Variants in WASHC2C observed in about 807,000 individuals in gnomAD.
The protein encoded by WASHC2C is WASH complex subunit 2C.
A neutral mutation model predicts 142.2 loss-of-function variants in WASHC2C; 73 were observed. That is an observed-to-expected ratio of 0.51 (90% confidence interval 0.43 to 0.62). WASHC2C has a LOEUF of 0.62. Among genes scored for constraint, WASHC2C ranks in the 20% least tolerant of loss-of-function variants. The probability of loss-of-function intolerance (pLI) is 0.00; values close to 1 mark genes in which losing one functional copy is unlikely to be tolerated. For missense variants in WASHC2C, 969 were observed against 1,531.7 expected, an observed-to-expected ratio of 0.63 and a Z score of 6.13; for synonymous variants, 337 against 565.5, an observed-to-expected ratio of 0.60 and a Z score of 5.73.
At chr10:45,735,738 A>AG (rs2051144689) in intron 3 of WASHC2C, among the ~76,000 whole-genome samples, 1 of 152,228 alleles carries the variant, frequency 6.6e-6, no homozygotes, top group African/African-American at 2.4e-5. Flanking sequence ...TTTGGGTCAG[A>AG]GGATATGATC....
intron 17 of WASHC2C, among the ~76,000 whole-genome samples, chr10:45,762,309 T>A (rs1253502585): frequency 3.3e-5 from 5 of 152,086 alleles, no homozygotes; most frequent in Non-Finnish European, 5.9e-5. Context: ...GCCTTCCAGG[T>A]TCAAGCAATT....
intron 11 of WASHC2C, among the ~76,000 whole-genome samples, chr10:45,751,795 G>A (rs1165618033): frequency 1.3e-5 from 2 of 152,134 alleles, no homozygotes; most frequent in Admixed American, 6.5e-5. Flanking sequence ...GGCCAACATA[G>A]TGAAACCCCA....
rs1333007505 is a variant in WASHC2C, at chr10:45,784,289, T to TATAC, written c.2479-275_2479-274insTACA. ...ATATATATATATATATATATATATA[T>TATAC]ACACATATATATATATATATATACA... On this transcript the variant is annotated intron_variant, in intron 23 of 30. Transcript: ENST00000623400. Among the ~76,000 whole-genome samples the TATAC allele has an allele frequency of 3.3e-3, 59 of 17,648 alleles. 1 individual carries two copies. Among genetic ancestry groups the TATAC allele is most frequent in the African/African-American group, 6.6e-3 (52 of 7,894 alleles). The allele number at this position is 17,648 out of a possible 152,430, so 11.6% of individuals were successfully genotyped here.
In WASHC2C at chr10:45,762,695, G is replaced by T. The variant is rs539744726; in HGVS notation, c.1636-693G>T. On this transcript the variant is annotated intron_variant, in intron 17 of 30. Coordinates refer to ENST00000623400, the MANE Select transcript of WASHC2C (RefSeq NM_001330074.2). The stretch of plus-strand genomic sequence containing the variant: ...CCGAGGCGGGCGGATCACAAGGTCA[G>T]GAGATCGAGACCATCCTGGCTAACA... 3.5e-3 allele frequency among the ~76,000 whole-genome samples: 530 copies of T among 152,272 alleles called. 3 individuals are homozygous for T. Among genetic ancestry groups the T allele is most frequent in the African/African-American group, 0.012 (507 of 41,534 alleles).
Position 45,752,689 on chromosome 10 carries a change from G to A in WASHC2C, c.1105G>A (p.Asp369Asn). Residue 369 changes from aspartate (D) to asparagine (N), a missense_variant, in exon 12 of 31, where the codon GAT becomes AAT. Physicochemically the swap from Asp to Asn is conservative, Grantham distance 23 (BLOSUM62 1). Coordinates refer to ENST00000623400, the MANE Select transcript of WASHC2C (RefSeq NM_001330074.2). ...GTTCAGTGGCGGCAAGGGGCTATTT[G>A]ATGATGAGGACGAGGAGGTGAGTCC... is the stretch of plus-strand genomic sequence containing the variant. ...GLFSGGKGLF[D>N]DEDEESDLFT... is the part of the protein sequence containing the mutation. The A allele has an allele frequency of 6.2e-7, 1 of 1,610,124 alleles. No homozygotes were observed. Among genetic ancestry groups the A allele is most frequent in the Non-Finnish European group, 8.5e-7 (1 of 1,179,294 alleles).
chr10:45,757,382 T>C (rs1309785830), intron 16 of WASHC2C, among the ~76,000 whole-genome samples: 1 of 148,596 alleles, frequency 6.7e-6, no homozygotes, highest in Non-Finnish European at 1.5e-5. Flanking sequence ...TCCTGAACTA[T>C]TTGCATGTAA....
chr10:45,755,003 C>G lies in WASHC2C; in HGVS notation c.1308C>G (p.Pro436=), dbSNP rs1554876561. The change falls in exon 15 of 31, where the codon CCC becomes CCG. Residue 436 remains proline, a synonymous_variant. Transcript: ENST00000623400. ...AGGAGCCACAGAAGCCTGAGCAGCC[C>G]ACTCCAAGGAAAAGCCCCTATGGTC... is the stretch of plus-strand genomic sequence containing the variant. ...SLKEPQKPEQ[P]TPRKSPYGPP... 7.4e-6 allele frequency: 12 copies of G among 1,611,946 alleles called. No homozygotes were observed. The South Asian group carries it at 1.3e-4, about 18-fold the overall frequency.
At chr10:45,785,713 T>A (rs1170422451) in intron 26 of WASHC2C, 82 bp downstream of exon 26, 2 of 1,609,116 alleles carry the variant, frequency 1.2e-6, no homozygotes, top group East Asian at 4.5e-5. Context: ...CCACAGTTAT[T>A]TAGACTTGTC....
rs1252963303 is a variant in WASHC2C at position 45,792,946 on chromosome 10, T to G, written c.*546T>G. The G allele has an allele frequency of 5.7e-3, 2,667 of 469,070 alleles. 63 individuals carry two copies. Among genetic ancestry groups the G allele is most frequent in the East Asian group, 0.048 (697 of 14,402 alleles). 29.1% of individuals were successfully genotyped at this position (469,070 alleles called of 1,614,324 possible). ...ACTGTCATATTTTGTTAATAAAATT[T>G]TATTGGAACACAATCACATTCATTT... On this transcript the variant is annotated 3_prime_UTR_variant, in exon 31 of 31. Coordinates refer to ENST00000623400, the MANE Select transcript of WASHC2C (RefSeq NM_001330074.2).
chr10:45,740,721 T>A (rs1474683709), intron 5 of WASHC2C, among the ~76,000 whole-genome samples: 33 of 152,272 alleles, frequency 2.2e-4, no homozygotes, highest in African/African-American at 8.0e-4. Flanking sequence ...GTTTCCGGTT[T>A]GGGCAATTAT....
intron 2 of WASHC2C, among the ~76,000 whole-genome samples, 183 bp downstream of exon 2, chr10:45,727,722 C>CAG (rs2050043866): frequency 6.6e-6 from 1 of 152,192 alleles, no homozygotes; most frequent in Non-Finnish European, 1.5e-5. Flanking sequence ...GGGAGAGGGG[C>CAG]AGACCCTGAC....
rs557917784 is a variant in WASHC2C at position 45,786,014 on chromosome 10, T to G, written c.2811+383T>G. The G allele has an allele frequency of 1.6e-4, 43 of 271,616 alleles. No individual in the cohort carries two copies. The South Asian group carries it at 1.8e-3, about 11-fold the overall frequency. The allele number at this position is 271,616 out of a possible 1,614,324, so 16.8% of individuals were successfully genotyped here. ...TTTCCTGCCTGCTCTCAGTGTTGCC[T>G]CTCCCGAGGTCATTGCTGTTGGGCC... On this transcript the variant is annotated intron_variant, in intron 26 of 30. Transcript: ENST00000623400.
chr10:45,740,770 G>C (rs1230318182), intron 5 of WASHC2C, among the ~76,000 whole-genome samples: 2 of 152,236 alleles, frequency 1.3e-5, no homozygotes, highest in Non-Finnish European at 1.5e-5. Context: ...TCATGTCCAG[G>C]CTCCCTCATA....
chr10:45,772,459 G>A (rs1165284391), intron 20 of WASHC2C, among the ~76,000 whole-genome samples: 2 of 152,160 alleles, frequency 1.3e-5, no homozygotes, highest in South Asian at 2.1e-4. Context: ...GCTCATGCCT[G>A]TAATCCTAAC....
intron 19 of WASHC2C, among the ~76,000 whole-genome samples, chr10:45,766,255 C>G (rs1317788927): frequency 3.9e-5 from 6 of 152,282 alleles, no homozygotes; most frequent in Non-Finnish European, 8.8e-5. Context: ...GATGAAGAAG[C>G]GGACAGTTTT....
chr10:45,777,407 T>C lies in WASHC2C; in HGVS notation c.2277T>C (p.Asp759=). 1 of 1,610,162 alleles carries C rather than the reference T, an allele frequency of 6.2e-7. No homozygotes were observed. The highest frequency in any genetic ancestry group is 8.5e-7 in the Non-Finnish European group (1 of 1,178,426). Reference sequence around the variant, plus strand: ...AGTCATTAAAATTTGGGAGAACTGATGTGGCTGAGTCAGAAAAGGTGGACT... The same window carrying C: ...AGTCATTAAAATTTGGGAGAACTGACGTGGCTGAGTCAGAAAAGGTGGACT... The part of the protein sequence containing the change: ...AKESLKFGRT[D]VAESEKEGLL... The change falls in exon 22 of 31, where the codon GAT becomes GAC. Residue 759 remains aspartate, a synonymous_variant. Transcript: ENST00000623400.
At chr10:45,731,280 A>C (rs2050544617) in intron 3 of WASHC2C, among the ~76,000 whole-genome samples, 1 of 133,282 alleles carries the variant, frequency 7.5e-6, no homozygotes, top group African/African-American at 2.9e-5. Context: ...GAGTGCAGTG[A>C]CACCATCTCG....
chr10:45,761,431 T>C lies in WASHC2C; in HGVS notation c.1636-1957T>C, dbSNP rs574986379. 5.8e-3 allele frequency among the ~76,000 whole-genome samples: 889 copies of C among 152,278 alleles called. 7 individuals carry two copies. Among genetic ancestry groups the C allele is most frequent in the African/African-American group, 0.02 (842 of 41,544 alleles). ...AGGTTTATGGGGAGAGGCCATAGGC[T>C]CCCCTTCTTGATGGTGGGAGTGTAA... is the stretch of plus-strand genomic sequence containing the variant. On this transcript the variant is annotated intron_variant, in intron 17 of 30. Transcript: ENST00000623400.
intron 21 of WASHC2C, among the ~76,000 whole-genome samples, chr10:45,775,613 TGAAG>T (rs1482672372): frequency 6.6e-6 from 1 of 151,342 alleles, no homozygotes; most frequent in Non-Finnish European, 1.5e-5. Flanking sequence ...TAGTTATATA[TGAAG>T]GAAGAATATG....
Sources: allele counts gnomAD v4.1 joint callset (sites outside exome capture counted in the v4.1 genomes callset), GRCh38; gene constraint gnomAD v4.1.1; transcripts MANE v1.5; gene names NCBI Gene and HGNC (gene_info 2026-07-23, HGNC 2026-07-21).